The following PDE4D variants were observed in gnomAD, a reference collection of about 807,000 sequenced individuals.
PDE4D encodes 3',5'-cyclic-AMP phosphodiesterase 4D.
PDE4D carries 24 observed loss-of-function variants against 87.4 expected under a neutral mutation model. The observed-to-expected ratio is 0.27, with a 90% CI of 0.20 to 0.39. The LOEUF is 0.39. Among genes scored for constraint, PDE4D ranks in the 10% least tolerant of loss-of-function variants. PDE4D has a pLI of 1.00. For synonymous variants in PDE4D, 384 were observed against 383.2 expected, an observed-to-expected ratio of 1.00 and a Z score of -0.02; for missense variants, 714 against 1,041.0, an observed-to-expected ratio of 0.69 and a Z score of 4.32.
rs774318923 is a variant in PDE4D at position 59,893,139 on chromosome 5, G to A, written c.455+29C>T. On this transcript the variant is annotated intron_variant, in intron 1 of 14. Transcript: ENST00000340635. ...GAAAAGGGGAGGTGACCCTTTGCCTGAATGGGGGAGGGGGCGCTCTCCACT... is the reference window on the plus strand; with the variant it reads ...GAAAAGGGGAGGTGACCCTTTGCCTAAATGGGGGAGGGGGCGCTCTCCACT... 1.2e-5 allele frequency: 18 copies of A among 1,540,056 alleles called. No homozygotes were observed. In the South Asian group the frequency reaches 2.1e-4, roughly 18 times the overall value.
At chr5:60,417,738 T>A (rs891387804) in intron 1 of PDE4D, among the ~76,000 whole-genome samples, 1 of 152,194 alleles carries the variant, frequency 6.6e-6, no homozygotes, top group Non-Finnish European at 1.5e-5. Context: ...CTCTTCTGAA[T>A]GGGCTCTTTT....
intron 5 of PDE4D, among the ~76,000 whole-genome samples, chr5:59,096,768 G>C (rs1769801905): frequency 6.6e-6 from 1 of 152,172 alleles, no homozygotes; most frequent in African/African-American, 2.4e-5. Flanking sequence ...CCCATAGACA[G>C]AGAAACTAAA....
intron 1 of PDE4D, among the ~76,000 whole-genome samples, chr5:59,695,099 A>C (rs1751555726): frequency 6.6e-6 from 1 of 152,102 alleles, no homozygotes; most frequent in East Asian, 1.9e-4. Flanking sequence ...CTAACCTTTT[A>C]GGATCTTTTC....
intron 2 of PDE4D, among the ~76,000 whole-genome samples, chr5:60,120,304 C>T (rs931240794): frequency 7.2e-5 from 11 of 152,156 alleles, no homozygotes; most frequent in African/African-American, 2.7e-4. Flanking sequence ...CTGAGTAACT[C>T]CAGATAGGAG....
chr5:59,669,415 G>A (rs915740729), intron 1 of PDE4D, among the ~76,000 whole-genome samples: 3 of 152,076 alleles, frequency 2.0e-5, no homozygotes, highest in African/African-American at 7.2e-5. Context: ...CCCGGCCTTA[G>A]TTCCCTCTAT....
At chr5:60,099,187 C>T (rs751453873) in intron 2 of PDE4D, among the ~76,000 whole-genome samples, 1 of 151,894 alleles carries the variant, frequency 6.6e-6, no homozygotes, top group African/African-American at 2.4e-5. Flanking sequence ...TGTGAGTACC[C>T]TTCCATGTGA....
chr5:60,398,081 T>C (rs969202425), intron 1 of PDE4D, among the ~76,000 whole-genome samples: 27 of 152,150 alleles, frequency 1.8e-4, no homozygotes, highest in African/African-American at 6.5e-4. Context: ...GAGGAGAAAA[T>C]GCCATTCTTT....
intron 1 of PDE4D, among the ~76,000 whole-genome samples, chr5:59,821,237 GCAACAACAACAACAA>G (rs71606606): frequency 1.7e-4 from 26 of 148,994 alleles, no homozygotes; most frequent in South Asian, 4.3e-4. Flanking sequence ...TGTCTCAACA[GCAACAACAACAACAA>G]CAACAACAAC....
intron 5 of PDE4D, among the ~76,000 whole-genome samples, chr5:59,129,722 C>T (rs1775999585): frequency 6.6e-6 from 1 of 152,114 alleles, no homozygotes. Flanking sequence ...AGACGTGCAT[C>T]ACATTCTGGT....
At chr5:59,344,377 C>A (rs913382850) in intron 1 of PDE4D, among the ~76,000 whole-genome samples, 2 of 152,086 alleles carry the variant, frequency 1.3e-5, no homozygotes, top group African/African-American at 4.8e-5. Context: ...TGATATGAAT[C>A]GAGTGACTCT....
chr5:59,610,375 C>G (rs1383050976), intron 1 of PDE4D, among the ~76,000 whole-genome samples: 1 of 152,158 alleles, frequency 6.6e-6, no homozygotes, highest in Non-Finnish European at 1.5e-5. Context: ...TACTTCATTA[C>G]TAATTAATTA....
chr5:60,456,124 TC>T (rs755634392), intron 1 of PDE4D, among the ~76,000 whole-genome samples: 8 of 152,280 alleles, frequency 5.3e-5, no homozygotes, highest in Non-Finnish European at 1.2e-4. Context: ...CAGTTCACCT[TC>T]GGGAGATGAG....
intron 5 of PDE4D, among the ~76,000 whole-genome samples, chr5:59,114,635 T>C (rs1773258603): frequency 6.6e-6 from 1 of 151,826 alleles, no homozygotes; most frequent in African/African-American, 2.4e-5. Flanking sequence ...GAATGGAGAA[T>C]GGGATCCTGG....
At chr5:59,990,105 T>C (rs1416156013) in intron 2 of PDE4D, among the ~76,000 whole-genome samples, 2 of 152,182 alleles carry the variant, frequency 1.3e-5, no homozygotes, top group East Asian at 3.9e-4. Context: ...AAGTTGGACA[T>C]TCATCGAGCT....
chr5:60,150,785 G>A (rs1781436919), intron 2 of PDE4D, among the ~76,000 whole-genome samples: 1 of 152,160 alleles, frequency 6.6e-6, no homozygotes, highest in Non-Finnish European at 1.5e-5. Flanking sequence ...TTCCCTGAAA[G>A]TATGGCCTAA....
intron 1 of PDE4D, among the ~76,000 whole-genome samples, chr5:59,243,448 CTTT>C (rs767287011): frequency 5.5e-5 from 4 of 72,280 alleles, no homozygotes; most frequent in African/African-American, 1.2e-4. Flanking sequence ...TTAAAATAAC[CTTT>C]TTTTTTTTTT....
intron 1 of PDE4D, among the ~76,000 whole-genome samples, chr5:59,758,369 ATAT>A (rs1298881154): frequency 6.6e-6 from 1 of 152,214 alleles, no homozygotes; most frequent in African/African-American, 2.4e-5. Context: ...TTATAAAGCT[ATAT>A]TATTATGAAC....
intron 1 of PDE4D, among the ~76,000 whole-genome samples, chr5:59,745,520 C>A (rs772251901): frequency 6.6e-6 from 1 of 152,130 alleles, no homozygotes; most frequent in Non-Finnish European, 1.5e-5. Context: ...CTAGCCAATT[C>A]TGGACAGTGT....
At position 58,972,041 on chromosome 5, in the gene PDE4D, A is replaced by T. The variant is rs1379330230; in HGVS notation, c.*2623T>A. 6.6e-6 allele frequency: 1 copy of T among 152,546 alleles called. No individual in the cohort carries two copies. The highest frequency in any genetic ancestry group is 1.5e-5 in the Non-Finnish European group (1 of 68,026). 9.4% of individuals were successfully genotyped at this position (152,546 alleles called of 1,614,324 possible). Reference sequence around the variant, plus strand: ...AAAAAGAGCCTCTCTTTATTAGTGCAGTTATAAACCCTTTACCCTTTCAGG... The same window carrying T: ...AAAAAGAGCCTCTCTTTATTAGTGCTGTTATAAACCCTTTACCCTTTCAGG... On this transcript the variant is annotated 3_prime_UTR_variant, in exon 15 of 15. Transcript: ENST00000340635.
Sources: allele counts gnomAD v4.1 joint callset (sites outside exome capture counted in the v4.1 genomes callset), GRCh38; gene constraint gnomAD v4.1.1; transcripts MANE v1.5; gene names NCBI Gene and HGNC (gene_info 2026-07-23, HGNC 2026-07-21).